Variants in ZNF521 observed in about 807,000 individuals in gnomAD.
ZNF521 encodes LYST-interacting protein 3.
A neutral mutation model predicts 105.5 loss-of-function variants in ZNF521; 14 were observed. That is an observed-to-expected ratio of 0.13 (90% CI 0.09 to 0.21). The LOEUF is 0.21. ZNF521 is among the 10% of genes least tolerant of loss of function. The pLI is 1.00. For synonymous variants in ZNF521, 635 were observed against 606.0 expected (o/e 1.05, Z -0.70); for missense variants, 1,233 against 1,629.7 (o/e 0.76, Z 4.19).
intron 3 of ZNF521, among the ~76,000 whole-genome samples, chr18:25,242,022 A>G (rs1907371598): frequency 6.6e-6 from 1 of 152,220 alleles, no homozygotes; most frequent in South Asian, 2.1e-4. Context: ...TTCTGTACAA[A>G]TTAATTTACT....
intron 4 of ZNF521, among the ~76,000 whole-genome samples, chr18:25,223,064 C>T (rs781451083): frequency 6.0e-4 from 91 of 152,180 alleles, no homozygotes; most frequent in Non-Finnish European, 1.2e-3. Context: ...TAAAAAATTC[C>T]GAAGTAAAAA....
chr18:25,180,141 T>C (rs968261540), intron 5 of ZNF521, among the ~76,000 whole-genome samples: 7 of 152,188 alleles, frequency 4.6e-5, no homozygotes, highest in Non-Finnish European at 1.0e-4. Context: ...CCCACAACAC[T>C]TGGAAGATTA....
intron 4 of ZNF521, chr18:25,202,820 T>G (rs541772581): frequency 3.3e-5 from 5 of 152,270 alleles, no homozygotes; most frequent in African/African-American, 1.2e-4. Flanking sequence ...TGAATTTGTA[T>G]GAAAATAAGT....
At chr18:25,221,138 C>G (rs545062894) in intron 4 of ZNF521, among the ~76,000 whole-genome samples, 2 of 152,154 alleles carry the variant, frequency 1.3e-5, no homozygotes, top group South Asian at 2.1e-4. Context: ...GATTAATAAT[C>G]TGAGGATTCT....
intron 4 of ZNF521, among the ~76,000 whole-genome samples, chr18:25,199,548 G>A (rs925376989): frequency 2.0e-5 from 3 of 151,888 alleles, no homozygotes; most frequent in African/African-American, 4.8e-5. Context: ...TGCATACTGA[G>A]TATTTAGGGA....
At chr18:25,114,122 C>T (rs2034256046) in intron 5 of ZNF521, among the ~76,000 whole-genome samples, 1 of 152,044 alleles carries the variant, frequency 6.6e-6, no homozygotes, top group Non-Finnish European at 1.5e-5. Flanking sequence ...ATCAGAATCT[C>T]CCTCCTCCCA....
chr18:25,266,739 C>T (rs62083934), intron 3 of ZNF521, among the ~76,000 whole-genome samples: 8 of 152,284 alleles, frequency 5.3e-5, no homozygotes, highest in South Asian at 2.1e-4. Context: ...ACTTTTCCCA[C>T]GGTCTTCACA....
chr18:25,290,128 T>C (rs995637637), intron 3 of ZNF521, among the ~76,000 whole-genome samples: 1 of 152,260 alleles, frequency 6.6e-6, no homozygotes, highest in Non-Finnish European at 1.5e-5. Flanking sequence ...GCAATTTTCA[T>C]AGCAGCTATG....
chr18:25,194,873 T>C (rs995827590), intron 5 of ZNF521, among the ~76,000 whole-genome samples: 1 of 151,768 alleles, frequency 6.6e-6, no homozygotes, highest in African/African-American at 2.4e-5. Context: ...ACCATTCCTG[T>C]TAGTTTTCAA....
intron 5 of ZNF521, among the ~76,000 whole-genome samples, chr18:25,192,551 T>C (rs760339294): frequency 6.6e-6 from 1 of 152,138 alleles, no homozygotes; most frequent in Non-Finnish European, 1.5e-5. Flanking sequence ...TAATCCTTCC[T>C]CTACATTGAT....
intron 3 of ZNF521, among the ~76,000 whole-genome samples, chr18:25,230,548 T>C (rs1453086524): frequency 6.6e-6 from 1 of 152,210 alleles, no homozygotes; most frequent in Non-Finnish European, 1.5e-5. Flanking sequence ...TAAGCTTAAA[T>C]GGTGAATATA....
At chr18:25,196,306 G>A (rs1011539727) in intron 4 of ZNF521, among the ~76,000 whole-genome samples, 23 of 151,326 alleles carry the variant, frequency 1.5e-4, no homozygotes, top group South Asian at 2.1e-4. Context: ...CAGAATTATC[G>A]TTTCATTTGA....
intron 5 of ZNF521, among the ~76,000 whole-genome samples, chr18:25,187,424 G>GT (rs200409869): frequency 1.0e-3 from 149 of 145,896 alleles, no homozygotes; most frequent in Middle Eastern, 3.6e-3. Flanking sequence ...TTACCTCAGA[G>GT]TTTTTTTTTT....
At chr18:25,154,012 G>A (rs1320631555) in intron 5 of ZNF521, among the ~76,000 whole-genome samples, 1 of 152,188 alleles carries the variant, frequency 6.6e-6, no homozygotes, top group African/African-American at 2.4e-5. Context: ...GATTAAAGAA[G>A]CAACGAGGAA....
chr18:25,129,266 AT>A (rs201825264), intron 5 of ZNF521, among the ~76,000 whole-genome samples: 35,843 of 89,026 alleles, frequency 0.4, 4,504 homozygotes, highest in South Asian at 0.52. Flanking sequence ...AATAATAATA[AT>A]TATTATTATT....
At chr18:25,307,016 T>C (rs911841635) in intron 3 of ZNF521, among the ~76,000 whole-genome samples, 3 of 152,182 alleles carry the variant, frequency 2.0e-5, no homozygotes, top group African/African-American at 7.2e-5. Context: ...TTCTTTATTT[T>C]TCCTAGTATC....
At chr18:25,343,373 T>C (rs1914313830) in intron 2 of ZNF521, among the ~76,000 whole-genome samples, 1 of 152,224 alleles carries the variant, frequency 6.6e-6, no homozygotes. Context: ...TTAACACTTA[T>C]ATGGACTTAC....
chr18:25,315,791 T>A (rs2145125127), intron 3 of ZNF521: 1 of 152,254 alleles, frequency 6.6e-6, no homozygotes, highest in South Asian at 2.1e-4. Context: ...GCGTCACCCT[T>A]GGGGATGAAA....
rs150132099 is a variant in ZNF521 at position 25,151,783 on chromosome 18, A to T, written c.3658+43377T>A. Among the ~76,000 whole-genome samples, 476 of 152,322 alleles carry T rather than the reference A, an allele frequency of 3.1e-3. 6 individuals are homozygous for T. The highest frequency in any genetic ancestry group is 0.018 in the South Asian group (85 of 4,822). On this transcript the variant is annotated intron_variant, in intron 5 of 7. Transcript: ENST00000361524. ...AGCTCTCTTTCACAGCCCAGGATCC[A>T]GGTTTAAATACTAGAAAAGCCCCCC...
Sources: allele counts gnomAD v4.1 joint callset (sites outside exome capture counted in the v4.1 genomes callset), GRCh38; gene constraint gnomAD v4.1.1; transcripts MANE v1.5; gene names NCBI Gene and HGNC (gene_info 2026-07-23, HGNC 2026-07-21).